Variants in CTNNA2 observed in about 807,000 individuals in gnomAD.
CTNNA2 encodes the protein catenin alpha 2.
Under a neutral mutation model 101.0 loss-of-function variants are expected in CTNNA2, and 42 were observed. That is an observed-to-expected ratio of 0.42 (90% CI 0.32 to 0.54). The LOEUF (loss-of-function observed/expected upper bound fraction) is 0.54, where lower values mean the gene tolerates loss of function less well. CTNNA2 is among the 20% of genes least tolerant of loss of function. The probability of loss-of-function intolerance (pLI) is 0.14; values close to 1 mark genes in which losing one functional copy is unlikely to be tolerated. For missense variants in CTNNA2, 871 were observed against 1,223.1 expected, an observed-to-expected ratio of 0.71 and a Z score of 4.29; for synonymous variants, 450 against 456.4, an observed-to-expected ratio of 0.99 and a Z score of 0.18.
At chr2:79,675,799 G>A (rs1327732904) in intron 2 of CTNNA2, among the ~76,000 whole-genome samples, 2 of 152,182 alleles carry the variant, frequency 1.3e-5, no homozygotes, top group Non-Finnish European at 2.9e-5. Context: ...GCACGAATAT[G>A]TTTCTGACCC....
chr2:79,198,315 G>A (rs1673988854), intron 2 of CTNNA2, among the ~76,000 whole-genome samples: 1 of 151,908 alleles, frequency 6.6e-6, no homozygotes, highest in Non-Finnish European at 1.5e-5. Flanking sequence ...TTTAATATTT[G>A]GTGAAAATAA....
intron 7 of CTNNA2, among the ~76,000 whole-genome samples, chr2:80,357,004 A>T (rs563359903): frequency 3.3e-5 from 5 of 152,352 alleles, no homozygotes; most frequent in Admixed American, 2.6e-4. Context: ...AGGAAGGTAG[A>T]TAGCAGTGTT....
At chr2:79,839,627 T>A (rs1169559149) in intron 3 of CTNNA2, among the ~76,000 whole-genome samples, 2 of 152,060 alleles carry the variant, frequency 1.3e-5, no homozygotes, top group African/African-American at 2.4e-5. Context: ...TTGTGCTTTT[T>A]AAAATTCTTT....
intron 4 of CTNNA2, among the ~76,000 whole-genome samples, chr2:79,439,547 TTGAA>T (rs1279302347): frequency 2.0e-5 from 3 of 152,184 alleles, no homozygotes; most frequent in African/African-American, 4.8e-5. Context: ...ATCGTACGCT[TTGAA>T]TGGGTAGCTT....
intron 7 of CTNNA2, among the ~76,000 whole-genome samples, chr2:79,918,709 A>G (rs1171965926): frequency 6.6e-6 from 1 of 152,180 alleles, no homozygotes; most frequent in Admixed American, 6.5e-5. Context: ...GTTGCCAGGT[A>G]CTTGGTAGAA....
At chr2:79,462,334 T>TGA (rs1216433180) in intron 4 of CTNNA2, among the ~76,000 whole-genome samples, 3 of 152,218 alleles carry the variant, frequency 2.0e-5, no homozygotes, top group Admixed American at 2.0e-4. Flanking sequence ...CAAGATAATT[T>TGA]ATCTAGAGAT....
At chr2:79,213,407 G>A (rs1330018977) in intron 2 of CTNNA2, among the ~76,000 whole-genome samples, 2 of 152,192 alleles carry the variant, frequency 1.3e-5, no homozygotes, top group Admixed American at 6.5e-5. Flanking sequence ...CATATTTAGA[G>A]TCAGTATAAA....
At chr2:80,591,206 T>A (rs183138013) in intron 15 of CTNNA2, among the ~76,000 whole-genome samples, 2 of 152,130 alleles carry the variant, frequency 1.3e-5, no homozygotes, top group African/African-American at 4.8e-5. Flanking sequence ...CAAAGTATAG[T>A]TTTAAAAGTG....
chr2:80,057,102 A>G (rs910556391), intron 7 of CTNNA2, among the ~76,000 whole-genome samples: 2 of 152,136 alleles, frequency 1.3e-5, no homozygotes, highest in African/African-American at 4.8e-5. Context: ...TTCTGTTTAA[A>G]TATTAATCAA....
chr2:79,715,839 A>AC (rs61557848), intron 2 of CTNNA2, among the ~76,000 whole-genome samples: 17,931 of 152,088 alleles, frequency 0.12, 1,234 homozygotes, highest in African/African-American at 0.18. Context: ...TAGGATAGAT[A>AC]CGTCTAATAT....
chr2:79,663,675 A>G (rs1558815225), intron 2 of CTNNA2, among the ~76,000 whole-genome samples: 1 of 151,590 alleles, frequency 6.6e-6, no homozygotes, highest in Non-Finnish European at 1.5e-5. Context: ...CACCTTTTAT[A>G]TGTTCTCTGT....
At position 79,662,395 on chromosome 2, in the gene CTNNA2, A is replaced by G. The variant is rs547648728; in HGVS notation, c.102+10737A>G. On this transcript the variant is annotated intron_variant, in intron 2 of 18. Transcript: ENST00000402739. ...CTACATTTAAAATGCAAGTAATGTC[A>G]GAGAAAAATAATGATATCTTTATGT... Among the ~76,000 whole-genome samples the G allele has an allele frequency of 3.9e-5, 6 of 152,324 alleles. No homozygotes were observed. The East Asian group carries it at 1.2e-3, about 29-fold the overall frequency.
At chr2:79,288,495 C>G (rs902010099) in intron 2 of CTNNA2, among the ~76,000 whole-genome samples, 1 of 152,182 alleles carries the variant, frequency 6.6e-6, no homozygotes, top group Non-Finnish European at 1.5e-5. Context: ...GAAGATTTGA[C>G]TGAGTTGGAC....
At chr2:80,297,890 A>G (rs1675889736) in intron 7 of CTNNA2, among the ~76,000 whole-genome samples, 1 of 152,140 alleles carries the variant, frequency 6.6e-6, no homozygotes, top group Non-Finnish European at 1.5e-5. Context: ...TTCCTGAATA[A>G]AAGTTTGATT....
At chr2:80,245,131 C>T (rs529484528) in intron 7 of CTNNA2, among the ~76,000 whole-genome samples, 55 of 152,308 alleles carry the variant, frequency 3.6e-4, no homozygotes, top group African/African-American at 1.2e-3. Context: ...GTTTGGAAAG[C>T]CGGGGCAGCT....
At chr2:80,236,723 A>G (rs145583279) in intron 7 of CTNNA2, among the ~76,000 whole-genome samples, 1 of 152,302 alleles carries the variant, frequency 6.6e-6, no homozygotes, top group African/African-American at 2.4e-5. Flanking sequence ...TTTATCTGTC[A>G]AGGAGCCTTA....
At chr2:79,899,853 T>C (rs1014189889) in intron 6 of CTNNA2, among the ~76,000 whole-genome samples, 5 of 152,248 alleles carry the variant, frequency 3.3e-5, no homozygotes, top group Non-Finnish European at 5.9e-5. Flanking sequence ...AGGTCCTTGG[T>C]ATCTTTCATT....
intron 2 of CTNNA2, among the ~76,000 whole-genome samples, chr2:79,294,730 T>C (rs1675933743): frequency 6.6e-6 from 1 of 152,182 alleles, no homozygotes; most frequent in African/African-American, 2.4e-5. Flanking sequence ...CCTGTATTTT[T>C]TACTCAGCCA....
At chr2:79,565,925 G>C (rs1675084044) in intron 1 of CTNNA2, among the ~76,000 whole-genome samples, 1 of 151,918 alleles carries the variant, frequency 6.6e-6, no homozygotes, top group Non-Finnish European at 1.5e-5. Context: ...CAGAATAGGG[G>C]ATTAAGACTA....
Sources: gnomAD v4.1 joint callset for allele counts (sites outside exome capture counted in the v4.1 genomes callset) on GRCh38, gnomAD v4.1.1 for gene constraint, MANE v1.5 for transcripts, NCBI Gene and HGNC (gene_info 2026-07-23, HGNC 2026-07-21) for gene names.